The following IGSF10 variants were observed in gnomAD, a reference collection of about 807,000 sequenced individuals.
The protein encoded by IGSF10 is immunoglobulin superfamily member 10, also known as calvaria mechanical force protein 608.
IGSF10 carries 126 observed loss-of-function variants against 128.2 expected under a neutral mutation model. The ratio of observed to expected loss-of-function variants is 0.98; its 90% confidence interval spans 0.85 to 1.14. The LOEUF is 1.14. IGSF10 is among the 50% of genes most tolerant of loss of function. The pLI is 0.00. For synonymous variants in IGSF10, 1,185 were observed against 1,146.2 expected (o/e 1.03, Z -0.68); for missense variants, 3,295 against 3,149.8 (o/e 1.05, Z -1.10).
chr3:151,447,385 T>TA lies in IGSF10; in HGVS notation c.2595dup (p.Lys866Ter). On this transcript the variant is annotated frameshift_variant, in exon 6 of 8. Coordinates refer to ENST00000282466, the MANE Select transcript of IGSF10 (RefSeq NM_178822.5). LOFTEE classifies it high-confidence loss of function. ...ATATTCTTTGACATGGCTGTAGTTTTAATAGCAGTAGACAGTTTGAAATCT... is the reference window on the plus strand; with the variant it reads ...ATATTCTTTGACATGGCTGTAGTTTTAAATAGCAGTAGACAGTTTGAAATCT... 2 of 1,614,194 alleles carry TA rather than the reference T, an allele frequency of 1.2e-6. No homozygotes were observed. The highest frequency in any genetic ancestry group is 2.2e-5 in the South Asian group (2 of 91,080).
chr3:151,500,518 C>T, the IGSF10 span, among the ~76,000 whole-genome samples: 2 of 152,004 alleles, frequency 1.3e-5, no homozygotes, highest in Non-Finnish European at 2.9e-5. Context: ...AATAATAGAA[C>T]GGGGAATAGT....
chr3:151,556,100 G>A, the IGSF10 span, among the ~76,000 whole-genome samples: 2 of 152,110 alleles, frequency 1.3e-5, no homozygotes, highest in African/African-American at 4.8e-5. Flanking sequence ...CAGAGGCCCC[G>A]CTGGTTAGTC....
At chr3:151,457,004 C>T (rs767803637) in intron 4 of IGSF10, 22 bp downstream of exon 4, 1 of 1,613,866 alleles carries the variant, frequency 6.2e-7, no homozygotes, top group Non-Finnish European at 8.5e-7. Flanking sequence ...TTTAACCTGC[C>T]CCCTCTCTCC....
At chr3:151,603,318 A>G in the IGSF10 span, among the ~76,000 whole-genome samples, 1 of 152,252 alleles carries the variant, frequency 6.6e-6, no homozygotes, top group Admixed American at 6.5e-5. Flanking sequence ...TCTTTGGAAT[A>G]ATAACCGAAC....
chr3:151,572,969 C>G, the IGSF10 span, among the ~76,000 whole-genome samples: 13 of 152,210 alleles, frequency 8.5e-5, no homozygotes, highest in East Asian at 2.5e-3. Flanking sequence ...TTTTTTCTGT[C>G]TTCATTTCAT....
chr3:151,488,066 A>G, the IGSF10 span, among the ~76,000 whole-genome samples: 1 of 152,154 alleles, frequency 6.6e-6, no homozygotes, highest in Non-Finnish European at 1.5e-5. Context: ...ACATGATCTT[A>G]TATTTAGAAA....
chr3:151,586,654 T>A, the IGSF10 span, among the ~76,000 whole-genome samples: 1 of 152,236 alleles, frequency 6.6e-6, no homozygotes, highest in East Asian at 1.9e-4. Flanking sequence ...TTTCTGCATA[T>A]GACTTTTGTA....
rs767538378 is a variant in IGSF10 at position 151,446,831 on chromosome 3, G to C, written c.3150C>G (p.Ser1050Arg). The change falls in exon 6 of 8, where the codon AGC becomes AGG. Residue 1050 changes from serine to arginine, a missense_variant. Coordinates refer to ENST00000282466, the MANE Select transcript of IGSF10 (RefSeq NM_178822.5). ...RSTTRGSSEKSTTAFSATVLN... is the reference protein window; with the variant it reads ...RSTTRGSSEKRTTAFSATVLN... ...GCACTGTGGCTGAGAATGCAGTAGT[G>C]CTTTTTTCAGAAGAACCTCTGGTTG... 11 of 1,613,994 alleles carry C rather than the reference G, an allele frequency of 6.8e-6. No homozygotes were observed. Among genetic ancestry groups the C allele is most frequent in the Non-Finnish European group, 9.3e-6 (11 of 1,180,026 alleles).
chr3:151,442,397 T>TTTTG (rs1577665327), intron 7 of IGSF10, among the ~76,000 whole-genome samples: 2 of 149,834 alleles, frequency 1.3e-5, no homozygotes, highest in African/African-American at 2.5e-5. Context: ...TTTTTTTTTT[T>TTTTG]GAGACAAAGT....
At chr3:151,611,267 C>A in the IGSF10 span, among the ~76,000 whole-genome samples, 3 of 152,126 alleles carry the variant, frequency 2.0e-5, no homozygotes, top group Non-Finnish European at 4.4e-5. Flanking sequence ...ACCTGGAAAA[C>A]ATATTTTAAT....
chr3:151,533,324 T>C, the IGSF10 span, among the ~76,000 whole-genome samples: 71,478 of 152,004 alleles, frequency 0.47, 17,409 homozygotes, highest in African/African-American at 0.59. Context: ...AAATTTCATA[T>C]GGAACCAAAA....
At chr3:151,563,541 T>C in the IGSF10 span, among the ~76,000 whole-genome samples, 1 of 152,158 alleles carries the variant, frequency 6.6e-6, no homozygotes, top group Admixed American at 6.6e-5. Context: ...AGCCATCAGA[T>C]ACTCAATTGT....
chr3:151,521,195 A>T, the IGSF10 span, among the ~76,000 whole-genome samples: 2 of 151,952 alleles, frequency 1.3e-5, no homozygotes, highest in Non-Finnish European at 2.9e-5. Flanking sequence ...TTTTATACCC[A>T]AAACAGGAGC....
At chr3:151,544,994 A>G in the IGSF10 span, among the ~76,000 whole-genome samples, 1 of 152,036 alleles carries the variant, frequency 6.6e-6, no homozygotes, top group Non-Finnish European at 1.5e-5. Flanking sequence ...TTTATCTTTC[A>G]TATCTGTTGA....
At chr3:151,509,527 C>G in the IGSF10 span, among the ~76,000 whole-genome samples, 1 of 152,230 alleles carries the variant, frequency 6.6e-6, no homozygotes, top group East Asian at 1.9e-4. Flanking sequence ...GGAACAGCTC[C>G]AGTCTACAGC....
At chr3:151,521,990 AAC>A in the IGSF10 span, among the ~76,000 whole-genome samples, 15 of 152,042 alleles carry the variant, frequency 9.9e-5, no homozygotes, top group Admixed American at 8.5e-4. Flanking sequence ...AATCCAAATA[AAC>A]ACAATTAGAA....
chr3:151,461,297 T>C (rs1722052128), upstream of IGSF10: 7 of 985,244 alleles, frequency 7.1e-6, no homozygotes, highest in Admixed American at 6.2e-5. Flanking sequence ...ATTTCCTCCT[T>C]GACCTCTTCC....
At chr3:151,473,340 G>A in the IGSF10 span, among the ~76,000 whole-genome samples, 1 of 152,180 alleles carries the variant, frequency 6.6e-6, no homozygotes, top group Non-Finnish European at 1.5e-5. Context: ...GAGACTCCAA[G>A]GGAGGAATGG....
At chr3:151,570,498 T>C in the IGSF10 span, among the ~76,000 whole-genome samples, 1 of 152,242 alleles carries the variant, frequency 6.6e-6, no homozygotes, top group African/African-American at 2.4e-5. Flanking sequence ...ATGATGAGCA[T>C]TTTTTCATGT....
Sources: allele counts gnomAD v4.1 joint callset (sites outside exome capture counted in the v4.1 genomes callset), GRCh38; gene constraint gnomAD v4.1.1; transcripts MANE v1.5; gene names NCBI Gene and HGNC (gene_info 2026-07-23, HGNC 2026-07-21).